LIX1L: variants seen among roughly 807,000 people sequenced by gnomAD.
LIX1L encodes the protein LIX1-like protein.
A neutral mutation model predicts 34.0 loss-of-function variants in LIX1L; 20 were observed. The ratio of observed to expected loss-of-function variants is 0.59; its 90% CI spans 0.41 to 0.85. LIX1L has a LOEUF of 0.85. LIX1L is among the 40% of genes least tolerant of loss of function. The probability of loss-of-function intolerance (pLI) is 0.00; values close to 1 mark genes in which losing one functional copy is unlikely to be tolerated. For synonymous variants in LIX1L, 170 were observed against 187.4 expected (o/e 0.91, Z 0.76); for missense variants, 397 against 447.0 (o/e 0.89, Z 1.01).
At chr1:145,952,540 G>C (rs1649331823) in intron 1 of LIX1L, among the ~76,000 whole-genome samples, 2 of 152,048 alleles carry the variant, frequency 1.3e-5, no homozygotes, top group African/African-American at 4.8e-5. Flanking sequence ...TTGCCTTTAG[G>C]AGATAAAATA....
chr1:145,943,391 CG>C (rs1417080879), intron 2 of LIX1L, among the ~76,000 whole-genome samples: 1 of 152,124 alleles, frequency 6.6e-6, no homozygotes, highest in African/African-American at 2.4e-5. Context: ...TCTCAAATAA[CG>C]TAGTGAGCCA....
intron 3 of LIX1L, among the ~76,000 whole-genome samples, chr1:145,939,399 G>A (rs1648796817): frequency 6.6e-6 from 1 of 150,388 alleles, no homozygotes. Context: ...TCCACCTCCT[G>A]GGTTCAAGCG....
chr1:145,939,654 T>C (rs1553758334), intron 3 of LIX1L, among the ~76,000 whole-genome samples: 5 of 150,570 alleles, frequency 3.3e-5, no homozygotes, highest in African/African-American at 1.2e-4. Context: ...TTTTTTTTTT[T>C]TTGAGACAGG....
At position 145,936,907 on chromosome 1, in the gene LIX1L, C is replaced by T. The variant is rs1559237320; in HGVS notation, c.771+1G>A. The T allele has an allele frequency of 9.3e-6, 15 of 1,607,586 alleles. No individual in the cohort carries two copies. The highest frequency in any genetic ancestry group is 1.3e-5 in the Non-Finnish European group (15 of 1,174,248). On this transcript the variant is annotated splice_donor_variant, in intron 5 of 5. Transcript: ENST00000604000. LOFTEE classifies it high-confidence loss of function. ...TCGCCCCCACTCATAAAATCTCTTA[C>T]CTGCCGAGAGCATTGTCGTTCCCTC...
rs1045241099 is a variant in LIX1L, at chr1:145,936,408, G to A, written c.916C>T (p.Arg306Ter). 6 of 1,614,072 alleles carry A rather than the reference G, an allele frequency of 3.7e-6. No homozygotes were observed. The highest frequency in any genetic ancestry group is 1.7e-5 in the Admixed American group (1 of 59,982). ...ASTERELDEA[R>*]LAGKELRFHK... ...AAGCGCAGCTCCTTGCCTGCCAGTC[G>A]GGCTTCATCCAGCTCCCGCTCAGTA... Residue 306 changes from arginine (R) to a stop codon, truncating the protein, a stop_gained, in exon 6 of 6, where the codon CGA becomes TGA. Coordinates refer to ENST00000604000, the MANE Select transcript of LIX1L (RefSeq NM_153713.3). LOFTEE classifies it high-confidence loss of function.
chr1:145,934,479 CA>C lies in LIX1L; in HGVS notation c.*1830del, dbSNP rs1553757404. The C allele has an allele frequency of 6.6e-6, 1 of 150,824 alleles. No homozygotes were observed. 9.3% of individuals were successfully genotyped at this position (150,824 alleles called of 1,614,324 possible). A position where few individuals can be genotyped will look rare whatever the true frequency, so the allele number is the denominator to read the frequency against. On this transcript the variant is annotated 3_prime_UTR_variant, in exon 6 of 6. Coordinates refer to ENST00000604000, the MANE Select transcript of LIX1L (RefSeq NM_153713.3). ...GTCCCAGCTACTAAGGAGGCTGAGGCAGGAGAGTGGCGTGAACCCGGGAGGC... is the reference window on the plus strand; with the variant it reads ...GTCCCAGCTACTAAGGAGGCTGAGGCGGAGAGTGGCGTGAACCCGGGAGGC...
intron 3 of LIX1L, among the ~76,000 whole-genome samples, chr1:145,938,984 T>C (rs55739524): frequency 0.072 from 10,657 of 147,424 alleles, 1,252 homozygotes; most frequent in African/African-American, 0.25. Flanking sequence ...ATACTGTACT[T>C]TTTTTTTTTT....
intron 1 of LIX1L, among the ~76,000 whole-genome samples, chr1:145,954,090 G>A (rs940753538): frequency 1.3e-5 from 2 of 151,768 alleles, no homozygotes; most frequent in African/African-American, 4.8e-5. Context: ...CATATTTGAT[G>A]AAGAGGAGGA....
At chr1:145,937,495 C>T (rs1648704953) in intron 4 of LIX1L, 109 bp downstream of exon 4, 1 of 696,740 alleles carries the variant, frequency 1.4e-6, no homozygotes, top group South Asian at 1.8e-5. Context: ...GTGTAACAAC[C>T]TTCTTTCTTT....
At chr1:145,938,530 T>C (rs1648757103) in intron 3 of LIX1L, among the ~76,000 whole-genome samples, 1 of 152,170 alleles carries the variant, frequency 6.6e-6, no homozygotes, top group Non-Finnish European at 1.5e-5. Context: ...TAGAGCTACC[T>C]TAAATGATTG....
intron 1 of LIX1L, 130 bp from the exon 2 acceptor site, chr1:145,947,912 T>C: frequency 1.4e-6 from 1 of 727,464 alleles, no homozygotes; most frequent in Non-Finnish European, 2.2e-6. Flanking sequence ...CTATCGCCAT[T>C]GAAAAGCATT....
At chr1:145,941,121 AC>A (rs1339425508) in intron 3 of LIX1L, 2 of 152,242 alleles carry the variant, frequency 1.3e-5, no homozygotes, top group African/African-American at 4.8e-5. Flanking sequence ...GATGCTGTTG[AC>A]TGGGGCAAAG....
At chr1:145,947,436 AGCATG>A in intron 2 of LIX1L, 178 bp downstream of exon 2, 1 of 607,560 alleles carries the variant, frequency 1.6e-6, no homozygotes, top group East Asian at 2.7e-5. Flanking sequence ...TTGAAAGGAA[AGCATG>A]CTACTGAGGT....
rs1460402653 is a variant in LIX1L at position 145,936,190 on chromosome 1, C to T, written c.*120G>A. The T allele has an allele frequency of 1.8e-5, 20 of 1,126,772 alleles. No homozygotes were observed. Among genetic ancestry groups the T allele is most frequent in the Non-Finnish European group, 2.3e-5 (19 of 816,858 alleles). 69.8% of individuals were successfully genotyped at this position (1,126,772 alleles called of 1,614,324 possible). On this transcript the variant is annotated 3_prime_UTR_variant, in exon 6 of 6. Coordinates refer to ENST00000604000, the MANE Select transcript of LIX1L (RefSeq NM_153713.3). ...TAGGAATCTAGGTGTAGAATTTATACACATATATATTTTTTAAAGTATAAA... is the reference window on the plus strand; with the variant it reads ...TAGGAATCTAGGTGTAGAATTTATATACATATATATTTTTTAAAGTATAAA...
chr1:145,957,630 AC>A lies in LIX1L; in HGVS notation c.292+5del. The A allele has an allele frequency of 1.3e-6, 2 of 1,524,118 alleles. No individual in the cohort carries two copies. Among genetic ancestry groups the A allele is most frequent in the Non-Finnish European group, 1.8e-6 (2 of 1,141,088 alleles). The allele number at this position is 1,524,118 out of a possible 1,614,324, so 94.4% of individuals were successfully genotyped here. A position where few individuals can be genotyped will look rare whatever the true frequency, so the allele number is the denominator to read the frequency against. On this transcript the variant is annotated splice_donor_5th_base_variant and intron_variant, in intron 1 of 5. Coordinates refer to ENST00000604000, the MANE Select transcript of LIX1L (RefSeq NM_153713.3). Reference sequence around the variant, plus strand: ...GTCGCGCAGGAGGCCAGACCCGCAGACTCACCTCGGCCATAGCCCTGCGTGT... The same window carrying A: ...GTCGCGCAGGAGGCCAGACCCGCAGATCACCTCGGCCATAGCCCTGCGTGT...
intron 1 of LIX1L, among the ~76,000 whole-genome samples, chr1:145,950,521 C>T (rs1553759733): frequency 6.6e-6 from 1 of 152,128 alleles, no homozygotes; most frequent in African/African-American, 2.4e-5. Context: ...GGACTACCAC[C>T]ACGCCCGGCT....
Position 145,937,033 on chromosome 1 carries a change from G to A in LIX1L, c.694-48C>T, listed in dbSNP as rs1553757915. 5 of 1,340,300 alleles carry A rather than the reference G, an allele frequency of 3.7e-6. No individual in the cohort carries two copies. In the South Asian group the frequency reaches 5.9e-5, roughly 16 times the overall value. The allele number at this position is 1,340,300 out of a possible 1,614,324, so 83.0% of individuals were successfully genotyped here. A position where few individuals can be genotyped will look rare whatever the true frequency, so the allele number is the denominator to read the frequency against. ...ACCAGGACAGTGATTTTTATATTGG[G>A]AGGTTGCATCAGAATTACATGGGAA... On this transcript the variant is annotated intron_variant, in intron 4 of 5. Transcript: ENST00000604000.
At position 145,935,893 on chromosome 1, in the gene LIX1L, C is replaced by T. The variant is rs1430340836; in HGVS notation, c.*417G>A. The T allele has an allele frequency of 7.0e-5, 14 of 198,604 alleles. No homozygotes were observed. The highest frequency in any genetic ancestry group is 1.4e-4 in the Non-Finnish European group (13 of 95,868). The allele number at this position is 198,604 out of a possible 1,614,324, so 12.3% of individuals were successfully genotyped here. On this transcript the variant is annotated 3_prime_UTR_variant, in exon 6 of 6. Coordinates refer to ENST00000604000, the MANE Select transcript of LIX1L (RefSeq NM_153713.3). Reference sequence around the variant, plus strand: ...GAACTAAAGGCAAAATCTTCATACTCATACCCTGTTTGAGTCCAAGAGGAA... The same window carrying T: ...GAACTAAAGGCAAAATCTTCATACTTATACCCTGTTTGAGTCCAAGAGGAA...
Position 145,953,898 on chromosome 1 carries a change from T to A in LIX1L, c.292+3738A>T, listed in dbSNP as rs587709663. Among the ~76,000 whole-genome samples the A allele has an allele frequency of 7.7e-4, 117 of 152,016 alleles. 1 individual carries two copies. Among genetic ancestry groups the A allele is most frequent in the Non-Finnish European group, 1.4e-3 (97 of 67,960 alleles). On this transcript the variant is annotated intron_variant, in intron 1 of 5. Coordinates refer to ENST00000604000, the MANE Select transcript of LIX1L (RefSeq NM_153713.3). ...GTGGGATCTCATCTCTACAAAAAAA[T>A]TTTTTAAAATCAGCCAGGTGTGGTG...
Sources: allele counts gnomAD v4.1 joint callset (sites outside exome capture counted in the v4.1 genomes callset), GRCh38; gene constraint gnomAD v4.1.1; transcripts MANE v1.5; gene names NCBI Gene and HGNC (gene_info 2026-07-23, HGNC 2026-07-21).